The following IGF1R variants were observed in gnomAD, a reference collection of about 807,000 sequenced individuals.
IGF1R encodes insulin like growth factor 1 receptor.
Under a neutral mutation model 144.6 loss-of-function variants are expected in IGF1R, and 44 were observed. That is an observed-to-expected ratio of 0.30 (90% CI 0.24 to 0.39). The LOEUF is 0.39. Among genes scored for constraint, IGF1R ranks in the 10% least tolerant of loss-of-function variants. The pLI, the probability that IGF1R is intolerant of heterozygous loss-of-function variation, is 1.00. For missense variants in IGF1R, 1,355 were observed against 1,833.7 expected, an observed-to-expected ratio of 0.74 and a Z score of 4.77; for synonymous variants, 795 against 722.8, an observed-to-expected ratio of 1.10 and a Z score of -1.60.
At chr15:98,906,784 G>A (rs529217089) in intron 5 of IGF1R, among the ~76,000 whole-genome samples, 6 of 152,356 alleles carry the variant, frequency 3.9e-5, no homozygotes, top group East Asian at 3.9e-4. Context: ...TTTTGCTACC[G>A]GTTTGGTGGT....
At chr15:98,813,305 A>G (rs995136004) in intron 2 of IGF1R, among the ~76,000 whole-genome samples, 2 of 152,134 alleles carry the variant, frequency 1.3e-5, no homozygotes, top group Non-Finnish European at 2.9e-5. Flanking sequence ...TCCAAAGGCC[A>G]GGCCCCTTAC....
At chr15:98,737,903 C>T (rs1346906385) in intron 2 of IGF1R, among the ~76,000 whole-genome samples, 2 of 152,116 alleles carry the variant, frequency 1.3e-5, no homozygotes, top group Non-Finnish European at 2.9e-5. Context: ...AGGTCAAAGC[C>T]GACTCAGGCC....
At chr15:98,916,952 G>A (rs751684738) in intron 10 of IGF1R, 76 bp downstream of exon 10, 7 of 1,289,082 alleles carry the variant, frequency 5.4e-6, no homozygotes, top group Non-Finnish European at 1.1e-6. Context: ...TCCCCACCAG[G>A]TAGTGTGTAA....
intron 2 of IGF1R, among the ~76,000 whole-genome samples, chr15:98,719,001 C>T (rs2054185702): frequency 6.6e-6 from 1 of 152,196 alleles, no homozygotes; most frequent in African/African-American, 2.4e-5. Context: ...TGAATGGCCC[C>T]TTCTGCTTTG....
chr15:98,934,769 C>T (rs981155373), intron 15 of IGF1R, 55 bp from the exon 16 acceptor site: 8 of 1,476,616 alleles, frequency 5.4e-6, no homozygotes, highest in Middle Eastern at 3.4e-4. Flanking sequence ...CCCCAAAGCA[C>T]GTTCTGTCTA....
At chr15:98,863,150 T>C (rs1454521258) in intron 2 of IGF1R, among the ~76,000 whole-genome samples, 2 of 152,370 alleles carry the variant, frequency 1.3e-5, no homozygotes, top group East Asian at 1.9e-4. Flanking sequence ...AGTTATTTTG[T>C]AGAATATCTT....
At chr15:98,904,479 C>T (rs2014634851) in intron 5 of IGF1R, among the ~76,000 whole-genome samples, 1 of 152,194 alleles carries the variant, frequency 6.6e-6, no homozygotes, top group African/African-American at 2.4e-5. Context: ...ATAGACATAT[C>T]CACCCTTGCT....
intron 2 of IGF1R, among the ~76,000 whole-genome samples, chr15:98,879,102 G>A (rs764326678): frequency 5.9e-5 from 9 of 152,166 alleles, no homozygotes; most frequent in Non-Finnish European, 1.2e-4. Flanking sequence ...CCGAAGCAGG[G>A]CCGGTCCAGC....
intron 2 of IGF1R, among the ~76,000 whole-genome samples, chr15:98,856,813 C>G (rs1187929832): frequency 6.6e-6 from 1 of 152,234 alleles, no homozygotes; most frequent in African/African-American, 2.4e-5. Flanking sequence ...AGAACACTTG[C>G]TTTCAGCTCA....
chr15:98,710,271 C>T (rs1263097571), intron 2 of IGF1R, among the ~76,000 whole-genome samples: 1 of 152,126 alleles, frequency 6.6e-6, no homozygotes, highest in African/African-American at 2.4e-5. Flanking sequence ...CAATGGAGTA[C>T]TTATATAAAA....
chr15:98,696,210 C>G (rs1392187983), intron 1 of IGF1R, among the ~76,000 whole-genome samples: 1 of 152,072 alleles, frequency 6.6e-6, no homozygotes, highest in African/African-American at 2.4e-5. Flanking sequence ...CTTTTTAGCT[C>G]TTGACTCTGT....
At chr15:98,822,313 G>A (rs7179440) in intron 2 of IGF1R, among the ~76,000 whole-genome samples, 2,963 of 152,272 alleles carry the variant, frequency 0.019, 102 homozygotes, top group African/African-American at 0.067. Flanking sequence ...TCATCTCTTT[G>A]TGTTGTCTCT....
chr15:98,769,580 G>A (rs2055531842), intron 2 of IGF1R, among the ~76,000 whole-genome samples: 1 of 152,174 alleles, frequency 6.6e-6, no homozygotes, highest in Non-Finnish European at 1.5e-5. Flanking sequence ...GATGCTCTCA[G>A]AATCACAGCG....
chr15:98,707,972 A>G lies in IGF1R; in HGVS notation c.505A>G (p.Ile169Val). 6.2e-7 allele frequency: 1 copy of G among 1,614,094 alleles called. No homozygotes were observed. The highest frequency in any genetic ancestry group is 8.5e-7 in the Non-Finnish European group (1 of 1,180,004). ...CCTGGATGCGGTGTCCAATAACTAC[A>G]TTGTGGGGAATAAGCCCCCAAAGGA... Reference protein sequence around the residue: ...LILDAVSNNYIVGNKPPKECG... With the variant: ...LILDAVSNNYVVGNKPPKECG... Residue 169 changes from isoleucine to valine, a missense_variant, in exon 2 of 21, where the codon ATT (isoleucine) becomes GTT (valine). Physicochemically the swap from Ile to Val is conservative, Grantham distance 29. Coordinates refer to ENST00000650285, the MANE Select transcript of IGF1R (RefSeq NM_000875.5). The surrounding 1 kb of genome is among the most constrained non-coding windows in gnomAD (Gnocchi z 6.7).
At chr15:98,649,796 C>T in intron 1 of IGF1R, 121 bp downstream of exon 1, 2 of 718,300 alleles carry the variant, frequency 2.8e-6, no homozygotes, top group South Asian at 1.6e-5. Context: ...TCGGGAGCGG[C>T]GGGGTGGGGC....
chr15:98,824,710 C>G (rs1420306849), intron 2 of IGF1R, among the ~76,000 whole-genome samples: 1 of 152,234 alleles, frequency 6.6e-6, no homozygotes, highest in Non-Finnish European at 1.5e-5. Context: ...ATGCTTTTTC[C>G]TTGATCATCA....
chr15:98,903,703 A>G (rs911524730), intron 5 of IGF1R, among the ~76,000 whole-genome samples: 4 of 152,262 alleles, frequency 2.6e-5, no homozygotes, highest in African/African-American at 9.6e-5. Flanking sequence ...AGATAAATGG[A>G]TAAATGAAAT....
chr15:98,833,758 AAG>A (rs2057044637), intron 2 of IGF1R, among the ~76,000 whole-genome samples: 2 of 152,258 alleles, frequency 1.3e-5, no homozygotes, highest in Non-Finnish European at 2.9e-5. Context: ...AAAAACAAAA[AAG>A]AAAAATCTTA....
chr15:98,743,404 T>C (rs1428294163), intron 2 of IGF1R, among the ~76,000 whole-genome samples: 1 of 152,196 alleles, frequency 6.6e-6, no homozygotes, highest in Non-Finnish European at 1.5e-5. Flanking sequence ...AAATGCCCAC[T>C]AGGCACCCTG....
Sources: allele counts gnomAD v4.1 joint callset (sites outside exome capture counted in the v4.1 genomes callset), GRCh38; gene constraint gnomAD v4.1.1; non-coding constraint Gnocchi (gnomAD v3.1); transcripts MANE v1.5; gene names NCBI Gene and HGNC (gene_info 2026-07-23, HGNC 2026-07-21).